TNMD: variants seen among roughly 807,000 people sequenced by gnomAD.
TNMD encodes the protein tenomodulin, also known as BRICHOS domain containing 4.
Under a neutral mutation model 26.9 loss-of-function variants are expected in TNMD, and 15 were observed. The observed-to-expected ratio is 0.56, with a 90% confidence interval of 0.37 to 0.86. The LOEUF (loss-of-function observed/expected upper bound fraction) is 0.86. Ranked by LOEUF, TNMD falls within the 40% of genes least tolerant of loss-of-function variation. TNMD has a pLI of 0.00. For synonymous variants in TNMD, 73 were observed against 77.0 expected (o/e 0.95, Z 0.27); for missense variants, 222 against 242.6 (o/e 0.92, Z 0.56).
At chrX:100,595,970 G>A (rs1313257965) in intron 4 of TNMD, among the ~76,000 whole-genome samples, 1 of 112,402 alleles carries the variant, frequency 8.9e-6, no homozygotes, top group East Asian at 2.8e-4. Context: ...AAGCATTTGA[G>A]TAGGCCACTC....
chrX:100,599,609 T>A lies in TNMD; in HGVS notation c.846T>A (p.Pro282=). Reference sequence around the variant, plus strand: ...GCTATTGCCGCCGCGTCTGTGAACCTTTACTAGGCTACTACCCATATCCAT... The same window carrying A: ...GCTATTGCCGCCGCGTCTGTGAACCATTACTAGGCTACTACCCATATCCAT... ...GNRYCRRVCE[P]LLGYYPYPYC... Residue 282 remains proline (P), a synonymous_variant, in exon 7 of 7, where the codon CCT becomes CCA. Coordinates refer to ENST00000373031, the MANE Select transcript of TNMD (RefSeq NM_022144.3). The A allele has an allele frequency of 1.7e-6, 2 of 1,211,508 alleles. No homozygotes were observed. Among genetic ancestry groups the A allele is most frequent in the Non-Finnish European group, 2.2e-6 (2 of 895,352 alleles).
Position 100,599,106 on chromosome X carries a change from T to C in TNMD, c.668T>C (p.Val223Ala). ...GGGATTGAACAAAATGAACAGTGGGTGGTCCCTCAAGTGAAAGTAGAGAAG... is the reference window on the plus strand; with the variant it reads ...GGGATTGAACAAAATGAACAGTGGGCGGTCCCTCAAGTGAAAGTAGAGAAG... ...KKGIEQNEQW[V>A]VPQVKVEKTR... The change falls in exon 6 of 7, where the codon GTG (valine) becomes GCG (alanine). Residue 223 changes from valine to alanine, a missense_variant. Coordinates refer to ENST00000373031, the MANE Select transcript of TNMD (RefSeq NM_022144.3). 4.1e-6 allele frequency: 5 copies of C among 1,207,493 alleles called. No homozygotes were observed. Among genetic ancestry groups the C allele is most frequent in the Non-Finnish European group, 5.6e-6 (5 of 893,094 alleles).
chrX:100,591,929 C>G (rs973470525), intron 2 of TNMD, among the ~76,000 whole-genome samples: 3 of 111,303 alleles, frequency 2.7e-5, no homozygotes, highest in Non-Finnish European at 5.7e-5. Context: ...CACAGAAGCA[C>G]ACTGAAATTC....
intron 2 of TNMD, 128 bp downstream of exon 2, chrX:100,585,490 G>GA: frequency 1.3e-6 from 1 of 779,004 alleles, no homozygotes; most frequent in Non-Finnish European, 1.7e-6. Flanking sequence ...CTGGTGGTAT[G>GA]AAAAACTGAA....
In TNMD at chrX:100,585,884, G is replaced by A. The variant is rs192469163; in HGVS notation, c.180+522G>A. Among the ~76,000 whole-genome samples the A allele has an allele frequency of 7.2e-3, 806 of 112,354 alleles. 6 individuals are homozygous for A. The highest frequency in any genetic ancestry group is 0.025 in the African/African-American group (760 of 30,948). On this transcript the variant is annotated intron_variant, in intron 2 of 6. Transcript: ENST00000373031. ...TCACATTTATTTATGACTTTAAAAA[G>A]AAACTAGAGCTTTTCAGCTCCTTGC...
chrX:100,584,978 T>C lies in TNMD; in HGVS notation c.-41T>C. 1 of 1,182,076 alleles carries C rather than the reference T, an allele frequency of 8.5e-7. No individual in the cohort carries two copies. Among genetic ancestry groups the C allele is most frequent in the Non-Finnish European group, 1.1e-6 (1 of 877,751 alleles). On this transcript the variant is annotated 5_prime_UTR_variant, in exon 1 of 7. Coordinates refer to ENST00000373031, the MANE Select transcript of TNMD (RefSeq NM_022144.3). ...CTCCACCTCAGCAGTGGTCTCTCAG[T>C]CCTCTCAAAGCAAGGAAAGAGTACT...
chrX:100,594,717 A>G (rs2082948026), intron 4 of TNMD, among the ~76,000 whole-genome samples: 1 of 112,111 alleles, frequency 8.9e-6, no homozygotes, highest in Non-Finnish European at 1.9e-5. Context: ...GAGCCAGAGA[A>G]ACAAAATCAA....
chrX:100,587,445 C>A (rs145852884), intron 2 of TNMD, among the ~76,000 whole-genome samples: 4 of 112,344 alleles, frequency 3.6e-5, no homozygotes, highest in African/African-American at 6.5e-5. Flanking sequence ...AGCAAAGGGA[C>A]TCTCAGAAAT....
At position 100,599,064 on chromosome X, in the gene TNMD, C is replaced by T. The variant is rs2082960962; in HGVS notation, c.626C>T (p.Pro209Leu). The change falls in exon 6 of 7, where the codon CCT (proline) becomes CTT (leucine). Residue 209 changes from proline to leucine, a missense_variant. By Grantham distance (98) the Pro-to-Leu change is moderately conservative. Coordinates refer to ENST00000373031, the MANE Select transcript of TNMD (RefSeq NM_022144.3). ...GAGGAGGGAGAAGATCTTCACTTTC[C>T]TGCCAACGAAAAAAAAGGGATTGAA... The part of the protein sequence containing the change: ...FEEEGEDLHF[P>L]ANEKKGIEQN... The T allele has an allele frequency of 3.3e-6, 4 of 1,206,434 alleles. No homozygotes were observed. In the East Asian group the frequency reaches 8.9e-5, roughly 27 times the overall value.
At chrX:100,586,459 G>T (rs749361210) in intron 2 of TNMD, among the ~76,000 whole-genome samples, 1 of 111,395 alleles carries the variant, frequency 9.0e-6, no homozygotes, top group South Asian at 3.8e-4. Context: ...AGTGGGGAGA[G>T]AGAGGCAGAG....
chrX:100,586,428 A>G (rs2082922185), intron 2 of TNMD, among the ~76,000 whole-genome samples: 1 of 111,786 alleles, frequency 8.9e-6, no homozygotes, highest in Admixed American at 9.5e-5. Flanking sequence ...CAATAGGAGC[A>G]GAGAGAAAAA....
Position 100,585,353 on chromosome X carries a change from A to G in TNMD, c.171A>G (p.Val57=), listed in dbSNP as rs753268897. 4.1e-6 allele frequency: 5 copies of G among 1,208,208 alleles called. No homozygotes were observed. The highest frequency in any genetic ancestry group is 5.6e-6 in the Non-Finnish European group (5 of 894,562). ...FWGSKHFWPE[V]PKKAYDMEHT... is the part of the protein sequence containing the mutation. ...GGAGCAAGCACTTCTGGCCGGAGGT[A>G]CCCAAAAAAGTAAGTAAATACACAT... The change falls in exon 2 of 7, where the codon GTA becomes GTG. Residue 57 remains valine, a synonymous_variant. Transcript: ENST00000373031.
Position 100,599,787 on chromosome X carries a change from C to T in TNMD, c.*70C>T. ...TAAATGCATGCTATTCAATGAATTT[C>T]TGCCTATGAGGCATCTGGCCCCTGG... is the stretch of plus-strand genomic sequence containing the variant. On this transcript the variant is annotated 3_prime_UTR_variant, in exon 7 of 7. Coordinates refer to ENST00000373031, the MANE Select transcript of TNMD (RefSeq NM_022144.3). The T allele has an allele frequency of 9.7e-7, 1 of 1,029,661 alleles. No homozygotes were observed. Among genetic ancestry groups the T allele is most frequent in the African/African-American group, 1.8e-5 (1 of 54,264 alleles). The allele number at this position is 1,029,661 out of a possible 1,213,427, so 84.9% of individuals were successfully genotyped here.
In TNMD at chrX:100,594,281, C is replaced by T. The variant is rs772338883; in HGVS notation, c.342C>T (p.Phe114=). The T allele has an allele frequency of 3.3e-5, 39 of 1,193,830 alleles. No individual in the cohort carries two copies. Among genetic ancestry groups the T allele is most frequent in the African/African-American group, 7.1e-5 (4 of 56,305 alleles). ...DFKNGYTGIY[F]VGLQKCFIKT... is the part of the protein sequence containing the mutation. ...TATAGGGATACACTGGCATCTACTT[C>T]GTGGGTCTTCAAAAATGTTTTATCA... Residue 114 remains phenylalanine (F), a synonymous_variant, in exon 4 of 7, where the codon TTC becomes TTT. Transcript: ENST00000373031.
chrX:100,597,692 T>G, intron 5 of TNMD, 35 bp downstream of exon 5: 1 of 1,160,167 alleles, frequency 8.6e-7, no homozygotes, highest in African/African-American at 1.8e-5. Flanking sequence ...CCTCCTATTT[T>G]CTAAGACAGT....
Position 100,597,539 on chromosome X carries a change from A to G in TNMD, c.459A>G (p.Ser153=), listed in dbSNP as rs1212378060. The stretch of plus-strand genomic sequence containing the variant: ...TTACCACAACTTTCTTTGAACAGTC[A>G]GTGATTTGGGTCCCAGCAGAAAAGC... ...EEITTTFFEQ[S]VIWVPAEKPI... is the part of the protein sequence containing the mutation. Residue 153 remains serine, a synonymous_variant, in exon 5 of 7, where the codon TCA becomes TCG. Coordinates refer to ENST00000373031, the MANE Select transcript of TNMD (RefSeq NM_022144.3). 6 of 1,211,951 alleles carry G rather than the reference A, an allele frequency of 5.0e-6. No homozygotes were observed. The highest frequency in any genetic ancestry group is 6.7e-6 in the Non-Finnish European group (6 of 895,484).
rs1480809852 is a variant in TNMD at position 100,599,687 on chromosome X, G to GT, written c.925dup (p.Trp309LeufsTer19). 8.3e-7 allele frequency: 1 copy of GT among 1,209,749 alleles called. No individual in the cohort carries two copies. The highest frequency in any genetic ancestry group is 1.1e-6 in the Non-Finnish European group (1 of 895,262). ...GTCGTGTCATCATGCCTTGTAACTG[G>GT]TGGGTGGCCCGCATGCTGGGGAGGG... On this transcript the variant is annotated frameshift_variant, in exon 7 of 7. Transcript: ENST00000373031. LOFTEE classifies it high-confidence loss of function.
At position 100,585,059 on chromosome X, in the gene TNMD, T is replaced by C. The variant is rs199869003; in HGVS notation, c.41T>C (p.Ile14Thr). 3.6e-5 allele frequency: 43 copies of C among 1,208,005 alleles called. No homozygotes were observed. Among genetic ancestry groups the C allele is most frequent in the Non-Finnish European group, 4.1e-5 (37 of 893,729 alleles). ...CCAGAGAATTGTGAAGACTGTCACA[T>C]TCTAAATGTAAGTTGATTCATATTT... is the stretch of plus-strand genomic sequence containing the variant. ...NPPENCEDCH[I>T]LNAEAFKSKK... Residue 14 changes from isoleucine (I) to threonine (T), a missense_variant, in exon 1 of 7, where the codon ATT becomes ACT. Ile to Thr is a moderately conservative substitution (Grantham distance 89). Coordinates refer to ENST00000373031, the MANE Select transcript of TNMD (RefSeq NM_022144.3).
In TNMD at chrX:100,585,029, A is replaced by G; in HGVS notation, c.11A>G (p.Asn4Ser). 1 of 1,210,836 alleles carries G rather than the reference A, an allele frequency of 8.3e-7. No individual in the cohort carries two copies. Among genetic ancestry groups the G allele is most frequent in the Non-Finnish European group, 1.1e-6 (1 of 894,914 alleles). Reference sequence around the variant, plus strand: ...GTGTGCTGAGAGACCATGGCAAAGAATCCTCCAGAGAATTGTGAAGACTGT... The same window carrying G: ...GTGTGCTGAGAGACCATGGCAAAGAGTCCTCCAGAGAATTGTGAAGACTGT... MAK[N>S]PPENCEDCHI... Residue 4 changes from asparagine to serine, a missense_variant, in exon 1 of 7, where the codon AAT (asparagine) becomes AGT (serine). By Grantham distance (46) the Asn-to-Ser change is conservative. Coordinates refer to ENST00000373031, the MANE Select transcript of TNMD (RefSeq NM_022144.3).
Sources: allele counts gnomAD v4.1 joint callset (sites outside exome capture counted in the v4.1 genomes callset), GRCh38; gene constraint gnomAD v4.1.1; transcripts MANE v1.5; gene names NCBI Gene and HGNC (gene_info 2026-07-23, HGNC 2026-07-21).